The following SGIP1 variants were observed in gnomAD, a reference collection of about 807,000 sequenced individuals.
SGIP1 encodes SH3-containing GRB2-like protein 3-interacting protein 1.
SGIP1 carries 38 observed loss-of-function variants against 107.5 expected under a neutral mutation model. That is an observed-to-expected ratio of 0.35 (90% CI 0.27 to 0.46). SGIP1 has a LOEUF of 0.46. Ranked by LOEUF, SGIP1 falls within the 20% of genes least tolerant of loss-of-function variation. SGIP1 has a pLI of 1.00. For missense variants in SGIP1, 929 were observed against 1,019.5 expected, an observed-to-expected ratio of 0.91 and a Z score of 1.21; for synonymous variants, 365 against 366.1, an observed-to-expected ratio of 1.00 and a Z score of 0.03.
chr1:66,629,970 GAA>G (rs1173079033), intron 2 of SGIP1, among the ~76,000 whole-genome samples: 1 of 152,172 alleles, frequency 6.6e-6, no homozygotes, highest in Admixed American at 6.5e-5. Flanking sequence ...TATAGATGAA[GAA>G]ACTGAGAAAC....
intron 7 of SGIP1, among the ~76,000 whole-genome samples, chr1:66,656,889 T>C (rs2079903292): frequency 6.6e-6 from 1 of 152,150 alleles, no homozygotes; most frequent in South Asian, 2.1e-4. Context: ...AGAATCAGAT[T>C]GGGCATAGTG....
At chr1:66,635,122 G>A (rs559819262) in intron 3 of SGIP1, among the ~76,000 whole-genome samples, 4 of 152,336 alleles carry the variant, frequency 2.6e-5, no homozygotes, top group African/African-American at 9.6e-5. Context: ...GTAAACACAA[G>A]CTTTAATGTA....
intron 18 of SGIP1, among the ~76,000 whole-genome samples, chr1:66,709,784 G>T (rs1166508747): frequency 4.6e-5 from 7 of 152,076 alleles, no homozygotes; most frequent in Non-Finnish European, 1.0e-4. Flanking sequence ...TTAAAAGTGT[G>T]AGGATTTAAT....
chr1:66,617,085 A>G (rs750517002), intron 1 of SGIP1, among the ~76,000 whole-genome samples: 5 of 152,230 alleles, frequency 3.3e-5, no homozygotes, highest in Admixed American at 6.5e-5. Flanking sequence ...AGTCAAGTAG[A>G]AATGTAGGTG....
intron 24 of SGIP1, among the ~76,000 whole-genome samples, 197 bp from the exon 25 acceptor site, chr1:66,742,876 G>A (rs1297322522): frequency 1.3e-5 from 2 of 152,296 alleles, no homozygotes; most frequent in African/African-American, 2.4e-5. Context: ...CTATGGAAAT[G>A]TGAAGAGGCA....
intron 1 of SGIP1, among the ~76,000 whole-genome samples, chr1:66,552,400 T>A (rs1288828074): frequency 6.6e-6 from 1 of 152,104 alleles, no homozygotes; most frequent in Non-Finnish European, 1.5e-5. Context: ...GTGTGCTCAT[T>A]TGCGCCATCA....
intron 7 of SGIP1, among the ~76,000 whole-genome samples, chr1:66,654,387 T>C (rs2079326115): frequency 6.6e-6 from 1 of 152,198 alleles, no homozygotes; most frequent in Non-Finnish European, 1.5e-5. Context: ...GAGATTGTTT[T>C]CTCATCTAAA....
chr1:66,629,531 AAAGAT>A (rs2073773429), intron 2 of SGIP1, among the ~76,000 whole-genome samples: 2 of 152,152 alleles, frequency 1.3e-5, no homozygotes, highest in South Asian at 4.1e-4. Context: ...ACCCAAAAGA[AAAGAT>A]ATCAATGGGT....
chr1:66,729,255 A>G lies in SGIP1; in HGVS notation c.1743-9A>G, dbSNP rs1372193641. The G allele has an allele frequency of 3.1e-6, 5 of 1,613,554 alleles. No homozygotes were observed. In the African/African-American group the frequency reaches 6.7e-5, roughly 22 times the overall value. Reference sequence around the variant, plus strand: ...CTCTCTCTTTCCTCTCTGTGTTTTGATATGCCAGATGTATCGTTAAGATTA... The same window carrying G: ...CTCTCTCTTTCCTCTCTGTGTTTTGGTATGCCAGATGTATCGTTAAGATTA... On this transcript the variant is annotated splice_polypyrimidine_tract_variant and intron_variant, in intron 19 of 24. Coordinates refer to ENST00000371037, the MANE Select transcript of SGIP1 (RefSeq NM_032291.4).
chr1:66,571,931 T>C (rs750557166), intron 1 of SGIP1, among the ~76,000 whole-genome samples: 8 of 152,156 alleles, frequency 5.3e-5, no homozygotes, highest in Admixed American at 6.6e-5. Flanking sequence ...ATATTTTCCA[T>C]TGGGACAAAC....
chr1:66,671,378 C>T (rs927325125), intron 10 of SGIP1, among the ~76,000 whole-genome samples: 3 of 152,172 alleles, frequency 2.0e-5, no homozygotes, highest in Admixed American at 1.3e-4. Flanking sequence ...GTAGAAGCAA[C>T]TTACCCATTC....
rs996168412 is a variant in SGIP1 at position 66,661,574 on chromosome 1, G to T, written c.471+1050G>T. On this transcript the variant is annotated intron_variant, in intron 8 of 24. Coordinates refer to ENST00000371037, the MANE Select transcript of SGIP1 (RefSeq NM_032291.4). ...AAATAAAATAGGCAGCTACAATTAC[G>T]ATTATTACTAAGCTAAATGGCCCGC... 4.6e-5 allele frequency among the ~76,000 whole-genome samples: 7 copies of T among 152,162 alleles called. No homozygotes were observed. The South Asian group carries it at 1.0e-3, about 23-fold the overall frequency.
intron 1 of SGIP1, among the ~76,000 whole-genome samples, chr1:66,608,308 T>C (rs922330427): frequency 3.9e-5 from 6 of 152,380 alleles, no homozygotes; most frequent in African/African-American, 1.4e-4. Context: ...CAGAATCTTA[T>C]TTTCTGGGAG....
rs1571196792 is a variant in SGIP1 at position 66,551,157 on chromosome 1, C to T, written c.10+16789C>T. 2.0e-5 allele frequency among the ~76,000 whole-genome samples: 3 copies of T among 152,042 alleles called. No individual in the cohort carries two copies. In the East Asian group the frequency reaches 5.8e-4, roughly 29 times the overall value. ...GTAATGAAACTATTATTAAGGATGC[C>T]TTTGTTCTGGTTATTTTAAATCAGA... On this transcript the variant is annotated intron_variant, in intron 1 of 24. Transcript: ENST00000371037.
chr1:66,573,995 G>A (rs1449813673), intron 1 of SGIP1, among the ~76,000 whole-genome samples: 1 of 152,130 alleles, frequency 6.6e-6, no homozygotes, highest in African/African-American at 2.4e-5. Context: ...TTAGGGTAAT[G>A]CTTGCTGGTC....
At chr1:66,645,735 G>T (rs2077539438) in intron 7 of SGIP1, among the ~76,000 whole-genome samples, 1 of 152,186 alleles carries the variant, frequency 6.6e-6, no homozygotes, top group Non-Finnish European at 1.5e-5. Flanking sequence ...GGATGTACAT[G>T]AGTTTAAAGA....
chr1:66,650,767 C>A (rs998829073), intron 7 of SGIP1, among the ~76,000 whole-genome samples: 2 of 152,196 alleles, frequency 1.3e-5, no homozygotes, highest in African/African-American at 4.8e-5. Context: ...TTGATGTGAT[C>A]TTTTCCTTTT....
chr1:66,663,780 C>A (rs868517264), intron 8 of SGIP1, among the ~76,000 whole-genome samples: 3 of 152,104 alleles, frequency 2.0e-5, no homozygotes, highest in South Asian at 2.1e-4. Context: ...AAAAATTAAA[C>A]CTTGAACTTG....
intron 1 of SGIP1, among the ~76,000 whole-genome samples, chr1:66,558,997 C>T (rs978445712): frequency 6.6e-6 from 1 of 151,954 alleles, no homozygotes; most frequent in African/African-American, 2.4e-5. Context: ...CCCTTTATTT[C>T]ATCTGGGGAT....
Sources: allele counts gnomAD v4.1 joint callset (sites outside exome capture counted in the v4.1 genomes callset), GRCh38; gene constraint gnomAD v4.1.1; transcripts MANE v1.5; gene names NCBI Gene and HGNC (gene_info 2026-07-23, HGNC 2026-07-21).